Variants in TTC29 observed in about 807,000 individuals in gnomAD.
TTC29 encodes tetratricopeptide repeat protein 29.
Under a neutral mutation model 58.1 loss-of-function variants are expected in TTC29, and 49 were observed. The observed-to-expected ratio is 0.84, with a 90% CI of 0.67 to 1.07. The LOEUF is 1.07. Ranked by LOEUF, TTC29 falls within the 50% of genes least tolerant of loss-of-function variation. The probability of loss-of-function intolerance (pLI) is 0.00; values close to 1 mark genes in which losing one functional copy is unlikely to be tolerated. For missense variants in TTC29, 582 were observed against 555.6 expected, an observed-to-expected ratio of 1.05 and a Z score of -0.48; for synonymous variants, 209 against 196.8, an observed-to-expected ratio of 1.06 and a Z score of -0.52.
chr4:146,847,005 G>A (rs905472614), intron 8 of TTC29, among the ~76,000 whole-genome samples: 2 of 152,168 alleles, frequency 1.3e-5, no homozygotes, highest in African/African-American at 2.4e-5. Flanking sequence ...GTGTGAACAT[G>A]TTCCTTTAAA....
chr4:146,912,885 A>C (rs1303589791), intron 4 of TTC29, among the ~76,000 whole-genome samples: 1 of 152,166 alleles, frequency 6.6e-6, no homozygotes, highest in East Asian at 1.9e-4. Flanking sequence ...TTGGTGATTC[A>C]AAGGATATCA....
intron 9 of TTC29, among the ~76,000 whole-genome samples, chr4:146,820,922 C>T (rs899429729): frequency 1.3e-5 from 2 of 151,884 alleles, no homozygotes; most frequent in Non-Finnish European, 2.9e-5. Context: ...GTCCCAGCTA[C>T]TCAGGAGGCT....
At chr4:146,836,791 T>G (rs1728540059) in intron 8 of TTC29, among the ~76,000 whole-genome samples, 1 of 152,050 alleles carries the variant, frequency 6.6e-6, no homozygotes, top group Non-Finnish European at 1.5e-5. Context: ...AGAACCACAA[T>G]GAGATACCAT....
chr4:146,716,231 G>A (rs549608599), intron 11 of TTC29, among the ~76,000 whole-genome samples: 6 of 152,202 alleles, frequency 3.9e-5, no homozygotes, highest in Middle Eastern at 3.4e-3. Context: ...CACTCAGAAA[G>A]TTTAATTTTG....
At chr4:146,908,860 C>T (rs1160817270) in intron 5 of TTC29, among the ~76,000 whole-genome samples, 166 bp downstream of exon 5, 3 of 152,190 alleles carry the variant, frequency 2.0e-5, no homozygotes, top group Non-Finnish European at 4.4e-5. Flanking sequence ...GCCTCGTGAT[C>T]CAACATTCCC....
At chr4:146,899,343 C>A (rs548552390) in intron 6 of TTC29, among the ~76,000 whole-genome samples, 2 of 152,308 alleles carry the variant, frequency 1.3e-5, no homozygotes, top group East Asian at 3.9e-4. Flanking sequence ...GATCCAGTGT[C>A]TGAGAGCTTT....
intron 11 of TTC29, among the ~76,000 whole-genome samples, chr4:146,783,176 T>C (rs778962778): frequency 4.1e-4 from 63 of 152,230 alleles, no homozygotes; most frequent in Non-Finnish European, 8.4e-4. Context: ...CATTGTGGAA[T>C]GGCTAAGTCA....
chr4:146,769,235 T>C (rs748057111), intron 11 of TTC29, among the ~76,000 whole-genome samples: 1 of 152,020 alleles, frequency 6.6e-6, no homozygotes, highest in African/African-American at 2.4e-5. Flanking sequence ...GACATTAAAA[T>C]GTCAATCTTT....
chr4:146,757,202 AT>A lies in TTC29; in HGVS notation c.1330+46254del, dbSNP rs34791016. 1.2e-3 allele frequency among the ~76,000 whole-genome samples: 172 copies of A among 144,172 alleles called. 1 individual carries two copies. Among genetic ancestry groups the A allele is most frequent in the Middle Eastern group, 3.6e-3 (1 of 276 alleles). 94.6% of individuals were successfully genotyped at this position (144,172 alleles called of 152,430 possible). On this transcript the variant is annotated intron_variant, in intron 11 of 12. Transcript: ENST00000325106. ...TCTAGGGCTGAAGGCTGTTGTTCGG[AT>A]TTTTTTTTTTGTCCCAGGGGGTGTT...
intron 8 of TTC29, among the ~76,000 whole-genome samples, chr4:146,860,035 A>C (rs1192620439): frequency 6.6e-6 from 1 of 152,148 alleles, no homozygotes; most frequent in African/African-American, 2.4e-5. Context: ...TCACTTATTA[A>C]AGTGACCAAA....
chr4:146,857,240 GA>G (rs1729918862), intron 8 of TTC29, among the ~76,000 whole-genome samples: 1 of 150,490 alleles, frequency 6.6e-6, no homozygotes, highest in Admixed American at 6.6e-5. Flanking sequence ...CTTATGAAAT[GA>G]AAATAAGGTA....
chr4:146,805,017 G>T (rs565572689), intron 10 of TTC29, among the ~76,000 whole-genome samples: 2 of 152,278 alleles, frequency 1.3e-5, no homozygotes, highest in African/African-American at 4.8e-5. Context: ...GCCCCTCTGG[G>T]ACGAAGCTTC....
At chr4:146,912,897 G>A (rs1033937417) in intron 4 of TTC29, among the ~76,000 whole-genome samples, 2 of 152,174 alleles carry the variant, frequency 1.3e-5, no homozygotes, top group East Asian at 1.9e-4. Context: ...AGGATATCAA[G>A]GGTGAAGGAA....
At chr4:146,734,200 T>C (rs1422635211) in intron 11 of TTC29, among the ~76,000 whole-genome samples, 2 of 152,052 alleles carry the variant, frequency 1.3e-5, no homozygotes, top group African/African-American at 4.8e-5. Context: ...TTACCTGAGA[T>C]TTATAGGTAG....
chr4:146,728,827 A>ACACATATATATGTGTATATATACG (rs1579539140), intron 11 of TTC29, among the ~76,000 whole-genome samples: 7 of 67,744 alleles, frequency 1.0e-4, no homozygotes, highest in Non-Finnish European at 1.9e-4. Flanking sequence ...GTATATATAC[A>ACACATATATATGTGTATATATACG]TATATATACA....
At chr4:146,847,777 C>G (rs1729268902) in intron 8 of TTC29, among the ~76,000 whole-genome samples, 1 of 152,180 alleles carries the variant, frequency 6.6e-6, no homozygotes, top group African/African-American at 2.4e-5. Flanking sequence ...ATCGAAAGTT[C>G]AGAAGTGCCT....
At chr4:146,945,552 G>C (rs1248122822) in intron 1 of TTC29, 157 bp downstream of exon 1, 1 of 152,460 alleles carries the variant, frequency 6.6e-6, no homozygotes, top group Non-Finnish European at 1.5e-5. Context: ...TTCGTTTATT[G>C]AGGTAAGTGG....
intron 6 of TTC29, among the ~76,000 whole-genome samples, chr4:146,885,184 A>G (rs542054355): frequency 1.8e-4 from 28 of 152,178 alleles, no homozygotes; most frequent in Admixed American, 3.3e-4. Context: ...AATTAGGGTG[A>G]CACTACCCTA....
intron 5 of TTC29, among the ~76,000 whole-genome samples, chr4:146,905,449 T>C (rs1370015547): frequency 6.6e-6 from 1 of 151,386 alleles, no homozygotes; most frequent in African/African-American, 2.4e-5. Context: ...AGGAATGAGT[T>C]AGATAAGCTA....
Sources: allele counts gnomAD v4.1 joint callset (sites outside exome capture counted in the v4.1 genomes callset), GRCh38; gene constraint gnomAD v4.1.1; transcripts MANE v1.5; gene names NCBI Gene and HGNC (gene_info 2026-07-23, HGNC 2026-07-21).